The following TRMT1L variants were observed in gnomAD, a reference collection of about 807,000 sequenced individuals.
TRMT1L encodes the protein tRNA (guanine(27)-N(2))-dimethyltransferase.
TRMT1L carries 28 observed loss-of-function variants against 81.6 expected under a neutral mutation model. That is an observed-to-expected ratio of 0.34 (90% CI 0.25 to 0.47). The LOEUF (loss-of-function observed/expected upper bound fraction) is 0.47, where lower values mean the gene tolerates loss of function less well. TRMT1L is among the 20% of genes least tolerant of loss of function. The pLI is 1.00. For missense variants in TRMT1L, 739 were observed against 877.1 expected, an observed-to-expected ratio of 0.84 and a Z score of 1.99; for synonymous variants, 301 against 303.2, an observed-to-expected ratio of 0.99 and a Z score of 0.07.
intron 10 of TRMT1L, among the ~76,000 whole-genome samples, chr1:185,129,736 G>T (rs865883971): frequency 2.0e-5 from 3 of 152,062 alleles, no homozygotes; most frequent in Non-Finnish European, 4.4e-5. Context: ...ATAGTTATGA[G>T]ATCTTATTTT....
At chr1:185,131,732 TATAG>T (rs1366771358) in intron 10 of TRMT1L, among the ~76,000 whole-genome samples, 1 of 152,104 alleles carries the variant, frequency 6.6e-6, no homozygotes, top group Non-Finnish European at 1.5e-5. Flanking sequence ...AGATGAACCG[TATAG>T]ATATTTTAAA....
rs1163710236 is a variant in TRMT1L at position 185,145,461 on chromosome 1, C to G, written c.633G>C (p.Glu211Asp). Residue 211 changes from glutamate (E) to aspartate (D), a missense_variant, in exon 5 of 15, where the codon GAG becomes GAC. This residue lies in a region of TRMT1L where 331 missense variants were observed against 462.2 expected (regional missense o/e 0.72). Transcript: ENST00000367506. Reference sequence around the variant, plus strand: ...TACCTGCAATATAACTAGATTTAGTCTCTCCTTTATTCATGTGGCGCCTAA... The same window carrying G: ...TACCTGCAATATAACTAGATTTAGTGTCTCCTTTATTCATGTGGCGCCTAA... ...GHVRRHMNKG[E>D]TKSSYIAAST... 1 of 1,610,192 alleles carries G rather than the reference C, an allele frequency of 6.2e-7. No homozygotes were observed. Among genetic ancestry groups the G allele is most frequent in the East Asian group, 2.2e-5 (1 of 44,728 alleles).
intron 1 of TRMT1L, 39 bp downstream of exon 1, chr1:185,156,435 TTCTC>T: frequency 1.2e-6 from 2 of 1,613,464 alleles, no homozygotes; most frequent in Non-Finnish European, 1.7e-6. Flanking sequence ...AAGGCGCACT[TTCTC>T]TCTTCTGCAG....
At chr1:185,139,869 TTAAA>T in intron 8 of TRMT1L, 100 bp downstream of exon 8, 19 of 1,335,646 alleles carry the variant, frequency 1.4e-5, no homozygotes, top group African/African-American at 7.4e-5. Context: ...TGGCATTAAT[TTAAA>T]TAAATAAACA....
chr1:185,122,871 G>A (rs558826918), intron 13 of TRMT1L, among the ~76,000 whole-genome samples: 8 of 152,046 alleles, frequency 5.3e-5, no homozygotes, highest in African/African-American at 7.2e-5. Context: ...TTTTCGTAGA[G>A]ACGGGGTTTC....
At chr1:185,155,463 T>C (rs1221985452) in intron 1 of TRMT1L, among the ~76,000 whole-genome samples, 1 of 152,232 alleles carries the variant, frequency 6.6e-6, no homozygotes, top group Non-Finnish European at 1.5e-5. Context: ...TTCCTGTGAT[T>C]AGCCCTACTC....
At chr1:185,135,900 C>A (rs1295616224) in intron 10 of TRMT1L, among the ~76,000 whole-genome samples, 1 of 151,884 alleles carries the variant, frequency 6.6e-6, no homozygotes, top group Non-Finnish European at 1.5e-5. Flanking sequence ...GTTTATTCTA[C>A]AAAATCCAGT....
intron 11 of TRMT1L, among the ~76,000 whole-genome samples, chr1:185,126,351 C>G (rs12039541): frequency 0.1 from 15,157 of 152,090 alleles, 980 homozygotes; most frequent in East Asian, 0.25. Flanking sequence ...CTAGAGTGCA[C>G]TGGCGCAATC....
At position 185,143,991 on chromosome 1, in the gene TRMT1L, C is replaced by T; in HGVS notation, c.694G>A (p.Ala232Thr). 1.9e-6 allele frequency: 3 copies of T among 1,608,954 alleles called. No homozygotes were observed. The South Asian group carries it at 3.3e-5, about 18-fold the overall frequency. The change falls in exon 6 of 15, where the codon GCA becomes ACA. Residue 232 changes from alanine (A) to threonine (T), a missense_variant. Physicochemically the swap from Ala to Thr is moderately conservative, Grantham distance 58. Transcript: ENST00000367506. The part of the protein sequence containing the change: ...AKPPKEILKE[A>T]DTDVQVCPNY... ...GGACAAACTTGTACATCCGTGTCTG[C>T]CTCTTTCAAAATTTCCTTAGGTGGT...
intron 10 of TRMT1L, among the ~76,000 whole-genome samples, chr1:185,132,392 G>A (rs986250649): frequency 6.6e-6 from 1 of 151,890 alleles, no homozygotes; most frequent in Non-Finnish European, 1.5e-5. Flanking sequence ...GGTGGCATGT[G>A]CCTGTAATCA....
chr1:185,122,293 A>G (rs1298522726), intron 13 of TRMT1L, among the ~76,000 whole-genome samples: 1 of 152,234 alleles, frequency 6.6e-6, no homozygotes, highest in Non-Finnish European at 1.5e-5. Context: ...TTTGCATAGT[A>G]CTATCATTTT....
chr1:185,124,308 C>T (rs992649799), intron 12 of TRMT1L, among the ~76,000 whole-genome samples: 4 of 151,078 alleles, frequency 2.6e-5, no homozygotes, highest in Non-Finnish European at 5.9e-5. Context: ...GAAAGCACAT[C>T]TAGGGTAATA....
In TRMT1L at chr1:185,139,973, A is replaced by G. The variant is rs1200197232; in HGVS notation, c.1109T>C (p.Ile370Thr). 6.2e-7 allele frequency: 1 copy of G among 1,607,138 alleles called. No homozygotes were observed. Among genetic ancestry groups the G allele is most frequent in the Non-Finnish European group, 8.5e-7 (1 of 1,176,066 alleles). The stretch of plus-strand genomic sequence containing the variant: ...GACACGGCAAGTCTTTTCTACTTAC[A>G]TGAAATCAAAAGATCTCAAATGCAT... ...VLMHLRSFDF[I>T]HLDPFGTSVN... Residue 370 changes from isoleucine to threonine, a missense_variant and splice_region_variant, in exon 8 of 15, where the codon ATA becomes ACA. This residue lies in a region of TRMT1L where 331 missense variants were observed against 462.2 expected (regional missense o/e 0.72). Transcript: ENST00000367506.
At chr1:185,138,815 CTCACTA>C (rs1469552572) in intron 9 of TRMT1L, among the ~76,000 whole-genome samples, 1 of 152,156 alleles carries the variant, frequency 6.6e-6, no homozygotes, top group African/African-American at 2.4e-5. Context: ...GAGGCAGAGT[CTCACTA>C]TGTTGCCCAG....
At chr1:185,128,788 A>T in intron 10 of TRMT1L, 41 bp from the exon 11 acceptor site, 1 of 1,490,062 alleles carries the variant, frequency 6.7e-7, no homozygotes, top group Non-Finnish European at 9.3e-7. Context: ...AGGAGAAATG[A>T]CTAATACAAA....
intron 12 of TRMT1L, chr1:185,124,716 C>A: frequency 3.7e-6 from 1 of 272,024 alleles, no homozygotes; most frequent in South Asian, 1.0e-4. Flanking sequence ...ACAACAAAAC[C>A]AACAACACTA....
chr1:185,143,895 A>G lies in TRMT1L; in HGVS notation c.779+11T>C, dbSNP rs1423267923. 6 of 1,601,304 alleles carry G rather than the reference A, an allele frequency of 3.7e-6. No homozygotes were observed. The South Asian group carries it at 6.7e-5, about 18-fold the overall frequency. ...GAAACATCCCATAACCCTATTTTCA[A>G]TTTATCTTACCGATTTAGTTTCATT... On this transcript the variant is annotated intron_variant, in intron 6 of 14. Coordinates refer to ENST00000367506, the MANE Select transcript of TRMT1L (RefSeq NM_030934.5).
In TRMT1L at chr1:185,119,157, A is replaced by C. The variant is rs1419089099; in HGVS notation, c.*862T>G. 2 of 152,156 alleles carry C rather than the reference A, an allele frequency of 1.3e-5. No individual in the cohort carries two copies. Among genetic ancestry groups the C allele is most frequent in the Admixed American group, 1.3e-4 (2 of 15,260 alleles). The allele number at this position is 152,156 out of a possible 1,614,324, so 9.4% of individuals were successfully genotyped here. ...TACCAAACCAAGCAACAACAAAAAAACAACCCCCAAACCCAAAAACTCTCA... is the reference window on the plus strand; with the variant it reads ...TACCAAACCAAGCAACAACAAAAAACCAACCCCCAAACCCAAAAACTCTCA... On this transcript the variant is annotated 3_prime_UTR_variant, in exon 15 of 15. Transcript: ENST00000367506.
intron 3 of TRMT1L, among the ~76,000 whole-genome samples, chr1:185,149,706 A>G (rs1249754928): frequency 6.6e-6 from 1 of 151,886 alleles, no homozygotes; most frequent in Middle Eastern, 3.2e-3. Flanking sequence ...TGGGAAAATT[A>G]TAGCATTTTC....
Sources: allele counts gnomAD v4.1 joint callset (sites outside exome capture counted in the v4.1 genomes callset), GRCh38; gene constraint gnomAD v4.1.1; regional missense constraint gnomAD v4.1.1; transcripts MANE v1.5; gene names NCBI Gene and HGNC (gene_info 2026-07-23, HGNC 2026-07-21).